The following SETD1B variants were observed in gnomAD, a reference collection of about 807,000 sequenced individuals.
The protein encoded by SETD1B is histone-lysine N-methyltransferase SETD1B.
Under a neutral mutation model 148.0 loss-of-function variants are expected in SETD1B, and 7 were observed. The observed-to-expected ratio is 0.05, with a 90% CI of 0.03 to 0.09. SETD1B has a LOEUF of 0.09. SETD1B is among the 10% of genes least tolerant of loss of function. The pLI, the probability that SETD1B is intolerant of heterozygous loss-of-function variation, is 1.00. For synonymous variants in SETD1B, 1,361 were observed against 1,186.5 expected, an observed-to-expected ratio of 1.15 and a Z score of -3.02; for missense variants, 2,155 against 2,729.9, an observed-to-expected ratio of 0.79 and a Z score of 4.69.
chr12:121,810,861 T>C lies in SETD1B; in HGVS notation c.1890+26T>C. 4.8e-6 allele frequency: 7 copies of C among 1,462,368 alleles called. No individual in the cohort carries two copies. The highest frequency in any genetic ancestry group is 6.4e-6 in the Non-Finnish European group (7 of 1,101,882). 90.6% of individuals were successfully genotyped at this position (1,462,368 alleles called of 1,614,324 possible). On this transcript the variant is annotated intron_variant, in intron 6 of 16. Coordinates refer to ENST00000604567, the MANE Select transcript of SETD1B (RefSeq NM_001353345.2). This position sits in a 1 kb window ranked among gnomAD's most constrained non-coding sequence, Gnocchi z 7.6. ...GTACCACCGTGTCTGTCCATCTGTC[T>C]GGGACTGGTTTTGTCTATCTTGTAT...
chr12:121,804,929 C>G lies in SETD1B; in HGVS notation c.174+18C>G. ...GCCTGGCGGTGAGTAGCCGGCGCGCCCCCCCAGCCGTGCCCCGCGTCGTGT... is the reference window on the plus strand; with the variant it reads ...GCCTGGCGGTGAGTAGCCGGCGCGCGCCCCCAGCCGTGCCCCGCGTCGTGT... On this transcript the variant is annotated intron_variant, in intron 2 of 16. Coordinates refer to ENST00000604567, the MANE Select transcript of SETD1B (RefSeq NM_001353345.2). This position sits in a 1 kb window ranked among gnomAD's most constrained non-coding sequence, Gnocchi z 4.6. 6.7e-7 allele frequency: 1 copy of G among 1,483,196 alleles called. No individual in the cohort carries two copies. The allele number at this position is 1,483,196 out of a possible 1,614,324, so 91.9% of individuals were successfully genotyped here.
chr12:121,813,619 C>T (rs138504443), intron 6 of SETD1B, among the ~76,000 whole-genome samples: 1 of 152,314 alleles, frequency 6.6e-6, no homozygotes, highest in African/African-American at 2.4e-5. Flanking sequence ...AAGGCCCTGG[C>T]ACATAAGAGA....
rs931315338 is a variant in SETD1B at position 121,830,361 on chromosome 12, C to T, written c.*122C>T. 3.4e-5 allele frequency: 34 copies of T among 998,780 alleles called. No individual in the cohort carries two copies. The East Asian group carries it at 7.5e-4, about 22-fold the overall frequency. The allele number at this position is 998,780 out of a possible 1,614,324, so 61.9% of individuals were successfully genotyped here. On this transcript the variant is annotated 3_prime_UTR_variant, in exon 17 of 17. Coordinates refer to ENST00000604567, the MANE Select transcript of SETD1B (RefSeq NM_001353345.2). The surrounding 1 kb of genome is among the most constrained non-coding windows in gnomAD (Gnocchi z 5.7). ...ATTTCAGGTGCTGTCCTCTACCCAG[C>T]GGCCATTCAGGGCCTGGCGCCCCAC...
intron 6 of SETD1B, among the ~76,000 whole-genome samples, chr12:121,812,537 A>T (rs1876085401): frequency 6.6e-6 from 1 of 151,284 alleles, no homozygotes; most frequent in African/African-American, 2.4e-5. Context: ...TCACCCCGAG[A>T]CTGCTGGGCA....
rs150827782 is a variant in SETD1B at position 121,824,304 on chromosome 12, T to C, written c.5170+555T>C. 8.8e-3 allele frequency among the ~76,000 whole-genome samples: 1,334 copies of C among 152,292 alleles called. 12 individuals are homozygous for C. Among genetic ancestry groups the C allele is most frequent in the South Asian group, 0.043 (209 of 4,826 alleles). ...AGGCCAGTGAGGCTAGACCTCTCAT[T>C]ATCCCTGCTGTATTAGACTGATTTG... On this transcript the variant is annotated intron_variant, in intron 12 of 16. Transcript: ENST00000604567.
chr12:121,810,549 C>T lies in SETD1B; in HGVS notation c.1604C>T (p.Ser535Phe). ...CAGATGGAGGGCAGCCCCATCTCCT[C>T]CTCCTCCTCCCAGCTCTCCCCACTG... Reference protein sequence around the residue: ...ELQMEGSPISSSSSQLSPLAP... With the variant: ...ELQMEGSPISFSSSQLSPLAP... Residue 535 changes from serine (S) to phenylalanine (F), a missense_variant, in exon 6 of 17, where the codon TCC becomes TTC. Ser to Phe is a radical substitution (Grantham distance 155). Around this residue, in one of 11 missense-constraint regions of SETD1B, gnomAD observed 295 missense variants for 303.8 expected, o/e 0.97. Coordinates refer to ENST00000604567, the MANE Select transcript of SETD1B (RefSeq NM_001353345.2). This position sits in a 1 kb window ranked among gnomAD's most constrained non-coding sequence, Gnocchi z 7.6. 6.5e-7 allele frequency: 1 copy of T among 1,546,984 alleles called. No homozygotes were observed. Among genetic ancestry groups the T allele is most frequent in the Non-Finnish European group, 8.7e-7 (1 of 1,147,008 alleles).
Position 121,805,079 on chromosome 12 carries a change from C to G in SETD1B, c.175-39C>G, listed in dbSNP as rs932980108. ...AGGGGTCTGCCCATGGGGAGGGGGA[C>G]CAGTTCTCTCATCCCGGCCCCCCAA... On this transcript the variant is annotated intron_variant, in intron 2 of 16. Coordinates refer to ENST00000604567, the MANE Select transcript of SETD1B (RefSeq NM_001353345.2). The surrounding 1 kb of genome is among the most constrained non-coding windows in gnomAD (Gnocchi z 4.2). The G allele has an allele frequency of 1.3e-6, 2 of 1,535,160 alleles. No homozygotes were observed. Among genetic ancestry groups the G allele is most frequent in the Admixed American group, 2.0e-5 (1 of 50,906 alleles).
rs529751473 is a variant in SETD1B, at chr12:121,808,635, G to A, written c.657+315G>A. On this transcript the variant is annotated intron_variant, in intron 5 of 16. Coordinates refer to ENST00000604567, the MANE Select transcript of SETD1B (RefSeq NM_001353345.2). This position sits in a 1 kb window ranked among gnomAD's most constrained non-coding sequence, Gnocchi z 5.3. Reference sequence around the variant, plus strand: ...AGCCTGCCCTGGCCCGCTTTTCCACGTTGATGCCAAACATTGCTGTTTCCG... The same window carrying A: ...AGCCTGCCCTGGCCCGCTTTTCCACATTGATGCCAAACATTGCTGTTTCCG... Among the ~76,000 whole-genome samples the A allele has an allele frequency of 3.9e-5, 6 of 152,298 alleles. No homozygotes were observed. The highest frequency in any genetic ancestry group is 3.9e-4 in the East Asian group (2 of 5,188).
In SETD1B at chr12:121,811,633, C is replaced by T. The variant is rs142285178; in HGVS notation, c.1890+798C>T. ...CTTCCTTGGCTCCACTCCTCCTTCTCGGTCCAGGCACCTGCCTTGGAGCCG... is the reference window on the plus strand; with the variant it reads ...CTTCCTTGGCTCCACTCCTCCTTCTTGGTCCAGGCACCTGCCTTGGAGCCG... On this transcript the variant is annotated intron_variant, in intron 6 of 16. Coordinates refer to ENST00000604567, the MANE Select transcript of SETD1B (RefSeq NM_001353345.2). 9.6e-3 allele frequency among the ~76,000 whole-genome samples: 1,456 copies of T among 152,272 alleles called. 19 individuals carry two copies. Among genetic ancestry groups the T allele is most frequent in the Middle Eastern group, 0.034 (10 of 294 alleles).
the SETD1B span, chr12:121,797,237 G>C: frequency 1.4e-5 from 5 of 358,316 alleles, no homozygotes; most frequent in African/African-American, 4.3e-5. Context: ...TCCGGGCGGA[G>C]AGGCCGGAAG....
chr12:121,806,258 G>C (rs1334815428), intron 4 of SETD1B, among the ~76,000 whole-genome samples, 153 bp downstream of exon 4: 1 of 150,532 alleles, frequency 6.6e-6, no homozygotes, highest in Non-Finnish European at 1.5e-5. Context: ...GGGTAGAGTC[G>C]CGTGGAGCTA....
chr12:121,813,808 A>G (rs1876152580), intron 6 of SETD1B, among the ~76,000 whole-genome samples: 1 of 151,976 alleles, frequency 6.6e-6, no homozygotes, highest in African/African-American at 2.4e-5. Context: ...CAAGAGTAAG[A>G]TGTTTGCCTG....
chr12:121,809,961 T>C lies in SETD1B; in HGVS notation c.1016T>C (p.Val339Ala). 6.4e-7 allele frequency: 1 copy of C among 1,550,854 alleles called. No individual in the cohort carries two copies. Among genetic ancestry groups the C allele is most frequent in the Non-Finnish European group, 8.7e-7 (1 of 1,146,956 alleles). The change falls in exon 6 of 17, where the codon GTG (valine) becomes GCG (alanine). Residue 339 changes from valine (V) to alanine (A), a missense_variant. By Grantham distance (64) the Val-to-Ala change is moderately conservative. Coordinates refer to ENST00000604567, the MANE Select transcript of SETD1B (RefSeq NM_001353345.2). ...CACAATTCTCCCGCGGTCACTGCGG[T>C]GGCCGGGGCCACAGCCGCTTTCCGG... is the stretch of plus-strand genomic sequence containing the variant. ...YVHNSPAVTA[V>A]AGATAAFRGS... is the part of the protein sequence containing the mutation.
At chr12:121,827,291 G>A (rs564220112) in intron 13 of SETD1B, among the ~76,000 whole-genome samples, 2 of 152,162 alleles carry the variant, frequency 1.3e-5, no homozygotes, top group African/African-American at 2.4e-5. Context: ...AAAAGACAGC[G>A]CCAGGCAAGA....
In SETD1B at chr12:121,809,677, C is replaced by T; in HGVS notation, c.732C>T (p.Thr244=). 2 of 1,551,672 alleles carry T rather than the reference C, an allele frequency of 1.3e-6. No homozygotes were observed. The highest frequency in any genetic ancestry group is 1.2e-5 in the South Asian group (1 of 84,064). ...AGCGSGSSSV[T]PNSGGTPFSQ... is the part of the protein sequence containing the mutation. ...GTGGCTCCGGCTCCTCCTCTGTCAC[C>T]CCCAATAGCGGTGGGACACCCTTCT... The change falls in exon 6 of 17, where the codon ACC becomes ACT. Residue 244 remains threonine (T), a synonymous_variant. Coordinates refer to ENST00000604567, the MANE Select transcript of SETD1B (RefSeq NM_001353345.2).
chr12:121,805,741 G>A lies in SETD1B; in HGVS notation c.274-94G>A. 2 of 1,240,220 alleles carry A rather than the reference G, an allele frequency of 1.6e-6. No individual in the cohort carries two copies. Among genetic ancestry groups the A allele is most frequent in the Non-Finnish European group, 2.2e-6 (2 of 915,638 alleles). The allele number at this position is 1,240,220 out of a possible 1,614,324, so 76.8% of individuals were successfully genotyped here. A position where few individuals can be genotyped will look rare whatever the true frequency, so the allele number is the denominator to read the frequency against. On this transcript the variant is annotated intron_variant, in intron 3 of 16. Coordinates refer to ENST00000604567, the MANE Select transcript of SETD1B (RefSeq NM_001353345.2). This position sits in a 1 kb window ranked among gnomAD's most constrained non-coding sequence, Gnocchi z 4.2. ...TTTTTTACCCTTTATTGTTTTCAAC[G>A]GGTGGGCGAGTTGCGGGCGGGGCGG... is the stretch of plus-strand genomic sequence containing the variant.
In SETD1B at chr12:121,822,817, C is replaced by T. The variant is rs990877354; in HGVS notation, c.4238C>T (p.Pro1413Leu). ...VPGSPFSYPA[P>L]SPSLSSGGLP... ...GGCAGCCCCTTCTCCTACCCAGCCC[C>T]GTCCCCTAGCTTGAGCAGTGGGGGC... The change falls in exon 12 of 17, where the codon CCG (proline) becomes CTG (leucine). Residue 1413 changes from proline to leucine, a missense_variant. Pro to Leu is a moderately conservative substitution (Grantham distance 98). This residue lies in a region of SETD1B where 862 missense variants were observed against 873.8 expected (regional missense o/e 0.99). Coordinates refer to ENST00000604567, the MANE Select transcript of SETD1B (RefSeq NM_001353345.2). 8.6e-6 allele frequency: 13 copies of T among 1,503,244 alleles called. No individual in the cohort carries two copies. The highest frequency in any genetic ancestry group is 2.8e-5 in the African/African-American group (2 of 71,836). The allele number at this position is 1,503,244 out of a possible 1,614,324, so 93.1% of individuals were successfully genotyped here.
rs1243684947 is a variant in SETD1B, at chr12:121,822,800, C to T, written c.4221C>T (p.Pro1407=). 6 of 1,511,120 alleles carry T rather than the reference C, an allele frequency of 4.0e-6. No individual in the cohort carries two copies. The highest frequency in any genetic ancestry group is 5.3e-6 in the Non-Finnish European group (6 of 1,124,404). 93.6% of individuals were successfully genotyped at this position (1,511,120 alleles called of 1,614,324 possible). Residue 1407 remains proline, a synonymous_variant, in exon 12 of 17, where the codon CCC becomes CCT. Transcript: ENST00000604567. ...SLSSPQVPGS[P]FSYPAPSPSL... Reference sequence around the variant, plus strand: ...GCTCTCCGCAAGTGCCCGGCAGCCCCTTCTCCTACCCAGCCCCGTCCCCTA... The same window carrying T: ...GCTCTCCGCAAGTGCCCGGCAGCCCTTTCTCCTACCCAGCCCCGTCCCCTA...
At position 121,823,053 on chromosome 12, in the gene SETD1B, G is replaced by A. The variant is rs1310194210; in HGVS notation, c.4474G>A (p.Ala1492Thr). The A allele has an allele frequency of 6.6e-7, 1 of 1,518,140 alleles. No individual in the cohort carries two copies. Among genetic ancestry groups the A allele is most frequent in the South Asian group, 1.2e-5 (1 of 81,998 alleles). The allele number at this position is 1,518,140 out of a possible 1,614,324, so 94.0% of individuals were successfully genotyped here. A position where few individuals can be genotyped will look rare whatever the true frequency, so the allele number is the denominator to read the frequency against. The change falls in exon 12 of 17, where the codon GCC (alanine) becomes ACC (threonine). Residue 1492 changes from alanine (A) to threonine (T), a missense_variant. Ala to Thr is a moderately conservative substitution (Grantham distance 58). Coordinates refer to ENST00000604567, the MANE Select transcript of SETD1B (RefSeq NM_001353345.2). ...LPLALPAVLR[A>T]QARAPTPLPP... ...CTTGGCATTGCCCGCCGTCTTGCGG[G>A]CCCAGGCTCGTGCGCCCACCCCGCT...
Sources: gnomAD v4.1 joint callset for allele counts (sites outside exome capture counted in the v4.1 genomes callset) on GRCh38, gnomAD v4.1.1 for gene constraint, gnomAD v4.1.1 regional missense constraint, Gnocchi (gnomAD v3.1) non-coding constraint, MANE v1.5 for transcripts, NCBI Gene and HGNC (gene_info 2026-07-23, HGNC 2026-07-21) for gene names.